The following RICTOR variants were observed in gnomAD, a reference collection of about 807,000 sequenced individuals.
RICTOR encodes the protein rapamycin-insensitive companion of mTOR.
In RICTOR, 49 loss-of-function variants were observed where a neutral mutation model predicts 214.9. The observed-to-expected ratio is 0.23, with a 90% CI of 0.18 to 0.29. The LOEUF (loss-of-function observed/expected upper bound fraction) is 0.29, where lower values mean the gene tolerates loss of function less well. Ranked by LOEUF, RICTOR falls within the 10% of genes least tolerant of loss-of-function variation. The pLI is 1.00. For synonymous variants in RICTOR, 717 were observed against 711.3 expected, an observed-to-expected ratio of 1.01 and a Z score of -0.13; for missense variants, 1,625 against 2,047.0, an observed-to-expected ratio of 0.79 and a Z score of 3.98.
chr5:38,979,688 G>A (rs1751546800), intron 8 of RICTOR, among the ~76,000 whole-genome samples: 1 of 152,208 alleles, frequency 6.6e-6, no homozygotes, highest in Admixed American at 6.5e-5. Flanking sequence ...GGTCTGACTG[G>A]AGCTAGAGGA....
chr5:38,971,225 A>G (rs1448274015), intron 11 of RICTOR: 1 of 152,094 alleles, frequency 6.6e-6, no homozygotes, highest in Non-Finnish European at 1.5e-5. Context: ...ACGGGGTTTC[A>G]CCATATTGAG....
chr5:39,059,413 ATAT>A (rs957206991), intron 2 of RICTOR, among the ~76,000 whole-genome samples: 4 of 152,124 alleles, frequency 2.6e-5, no homozygotes, highest in Non-Finnish European at 5.9e-5. Flanking sequence ...GGGTATTGCA[ATAT>A]TATGTTTCTT....
chr5:38,939,941 A>G lies in RICTOR; in HGVS notation c.*2363T>C. On this transcript the variant is annotated 3_prime_UTR_variant, in exon 38 of 38. Coordinates refer to ENST00000357387, the MANE Select transcript of RICTOR (RefSeq NM_152756.5). ...ACCATAAAGTCTACTTTTTACAAAC[A>G]AGTACTCAAAGAAAATGTATTAGAC... 2 of 228,922 alleles carry G rather than the reference A, an allele frequency of 8.7e-6. No homozygotes were observed. The highest frequency in any genetic ancestry group is 1.7e-5 in the Non-Finnish European group (2 of 115,244). The allele number at this position is 228,922 out of a possible 1,614,324, so 14.2% of individuals were successfully genotyped here. A position where few individuals can be genotyped will look rare whatever the true frequency, so the allele number is the denominator to read the frequency against.
chr5:38,965,452 G>A (rs956879864), intron 15 of RICTOR, among the ~76,000 whole-genome samples: 1 of 151,936 alleles, frequency 6.6e-6, no homozygotes, highest in East Asian at 1.9e-4. Flanking sequence ...GATAGAAAAT[G>A]TAAGAATAAT....
chr5:38,998,215 A>G (rs1046087099), intron 5 of RICTOR, among the ~76,000 whole-genome samples: 6 of 152,248 alleles, frequency 3.9e-5, no homozygotes, highest in Non-Finnish European at 7.3e-5. Context: ...ACTCTCTTAC[A>G]AGGCAAATAA....
At chr5:39,074,200 C>T in intron 1 of RICTOR, 42 bp from the exon 2 acceptor site, 1 of 1,587,274 alleles carries the variant, frequency 6.3e-7, no homozygotes, top group Non-Finnish European at 8.6e-7. Flanking sequence ...GATTGGCTCG[C>T]AGGCCAGCTG....
chr5:38,966,393 A>G (rs186364906), intron 15 of RICTOR, among the ~76,000 whole-genome samples: 81 of 152,378 alleles, frequency 5.3e-4, no homozygotes, highest in Non-Finnish European at 9.1e-4. Context: ...ACATTTCAGT[A>G]CTTTGCATGT....
At chr5:38,988,691 G>A (rs1300424351) in intron 7 of RICTOR, among the ~76,000 whole-genome samples, 2 of 152,086 alleles carry the variant, frequency 1.3e-5, no homozygotes, top group Non-Finnish European at 2.9e-5. Flanking sequence ...AAATCAATGT[G>A]CAAAAATCAC....
At chr5:38,964,023 C>T (rs1294224478) in intron 16 of RICTOR, among the ~76,000 whole-genome samples, 2 of 151,718 alleles carry the variant, frequency 1.3e-5, no homozygotes, top group African/African-American at 2.4e-5. Context: ...CAAAAATGTA[C>T]TATAACTCTT....
At chr5:39,041,709 T>C (rs1166159512) in intron 2 of RICTOR, among the ~76,000 whole-genome samples, 1 of 152,092 alleles carries the variant, frequency 6.6e-6, no homozygotes, top group Non-Finnish European at 1.5e-5. Flanking sequence ...TGGGGGAAAT[T>C]TTCTACCAGC....
intron 37 of RICTOR, 73 bp from the exon 38 acceptor site, chr5:38,942,451 AATT>A: frequency 1.3e-6 from 1 of 788,532 alleles, no homozygotes; most frequent in African/African-American, 1.8e-5. Flanking sequence ...ATAAATATCT[AATT>A]TTTTTTTTTT....
chr5:38,964,409 C>T (rs961047426), intron 16 of RICTOR, among the ~76,000 whole-genome samples: 1 of 151,344 alleles, frequency 6.6e-6, no homozygotes, highest in Non-Finnish European at 1.5e-5. Flanking sequence ...TTTTTAACCA[C>T]GCAAATAAAA....
rs1561501972 is a variant in RICTOR at position 38,990,668 on chromosome 5, TATATATCAGATATATC to T, written c.583+265_583+280del. 1.1e-4 allele frequency among the ~76,000 whole-genome samples: 16 copies of T among 143,764 alleles called. 5 individuals are homozygous for T. The highest frequency in any genetic ancestry group is 4.2e-4 in the African/African-American group (16 of 38,130). The allele number at this position is 143,764 out of a possible 152,430, so 94.3% of individuals were successfully genotyped here. A position where few individuals can be genotyped will look rare whatever the true frequency, so the allele number is the denominator to read the frequency against. ...TATCAGATATATGATATATATCAGATATATATCAGATATATCATATATATGATATATATCAGATATG... is the reference window on the plus strand; with the variant it reads ...TATCAGATATATGATATATATCAGATATATATATGATATATATCAGATATG... On this transcript the variant is annotated intron_variant, in intron 7 of 37. Coordinates refer to ENST00000357387, the MANE Select transcript of RICTOR (RefSeq NM_152756.5).
At chr5:38,981,734 G>T (rs924656218) in intron 8 of RICTOR, 133 bp downstream of exon 8, 7 of 579,156 alleles carry the variant, frequency 1.2e-5, no homozygotes, top group Admixed American at 9.4e-5. Context: ...ACAGAGCTGG[G>T]AATAAATTAG....
chr5:39,027,190 T>C (rs1338878759), intron 2 of RICTOR, among the ~76,000 whole-genome samples: 1 of 152,134 alleles, frequency 6.6e-6, no homozygotes, highest in Non-Finnish European at 1.5e-5. Context: ...TGAAAAGGGA[T>C]GGGGTTAACA....
Position 39,021,024 on chromosome 5 carries a change from A to AT in RICTOR, c.195+14dup, listed in dbSNP as rs1755384146. 2 of 1,254,100 alleles carry AT rather than the reference A, an allele frequency of 1.6e-6. No homozygotes were observed. The highest frequency in any genetic ancestry group is 2.3e-6 in the Non-Finnish European group (2 of 851,576). The allele number at this position is 1,254,100 out of a possible 1,614,324, so 77.7% of individuals were successfully genotyped here. Reference sequence around the variant, plus strand: ...CAAAGAATTTTAGACAATAATAAAAATTCAAGTTACTTACCTTAGTAAAGT... The same window carrying AT: ...CAAAGAATTTTAGACAATAATAAAAATTTCAAGTTACTTACCTTAGTAAAGT... On this transcript the variant is annotated intron_variant, in intron 3 of 37. Coordinates refer to ENST00000357387, the MANE Select transcript of RICTOR (RefSeq NM_152756.5).
chr5:38,945,376 G>A (rs917689764), intron 34 of RICTOR, 115 bp downstream of exon 34: 34 of 699,458 alleles, frequency 4.9e-5, no homozygotes, highest in Non-Finnish European at 7.8e-5. Flanking sequence ...TCAGTGTGCT[G>A]CAGCTCACCA....
At chr5:39,019,014 TAGA>T (rs1161645771) in intron 3 of RICTOR, among the ~76,000 whole-genome samples, 1 of 152,136 alleles carries the variant, frequency 6.6e-6, no homozygotes, top group Non-Finnish European at 1.5e-5. Flanking sequence ...GTGGTCCAGA[TAGA>T]AGATTAAACT....
intron 15 of RICTOR, among the ~76,000 whole-genome samples, chr5:38,965,340 CATA>C: frequency 6.6e-6 from 1 of 152,020 alleles, no homozygotes; most frequent in East Asian, 1.9e-4. Context: ...TCCCATATGC[CATA>C]ATCTTTAAAA....
Sources: gnomAD v4.1 joint callset for allele counts (sites outside exome capture counted in the v4.1 genomes callset) on GRCh38, gnomAD v4.1.1 for gene constraint, MANE v1.5 for transcripts, NCBI Gene and HGNC (gene_info 2026-07-23, HGNC 2026-07-21) for gene names.